PLXNA4: variants seen among roughly 807,000 people sequenced by gnomAD.
PLXNA4 encodes plexin-A4.
PLXNA4 carries 44 observed loss-of-function variants against 191.8 expected under a neutral mutation model. The ratio of observed to expected loss-of-function variants is 0.23; its 90% CI spans 0.18 to 0.29. The LOEUF is 0.29. Ranked by LOEUF, PLXNA4 falls within the 10% of genes least tolerant of loss-of-function variation. The pLI, the probability that PLXNA4 is intolerant of heterozygous loss-of-function variation, is 1.00. For missense variants in PLXNA4, 1,800 were observed against 2,488.8 expected (o/e 0.72, Z 5.89); for synonymous variants, 1,082 against 1,009.5 (o/e 1.07, Z -1.36).
chr7:132,238,287 G>A (rs759424587), intron 5 of PLXNA4, among the ~76,000 whole-genome samples: 1 of 152,116 alleles, frequency 6.6e-6, no homozygotes, highest in Non-Finnish European at 1.5e-5. Context: ...GTGACCAGAG[G>A]CTCCCAGGAA....
intron 3 of PLXNA4, among the ~76,000 whole-genome samples, chr7:132,381,032 G>A (rs1233694111): frequency 6.6e-6 from 1 of 152,224 alleles, no homozygotes; most frequent in African/African-American, 2.4e-5. Flanking sequence ...AATCTGTTCT[G>A]CTTAGCTACA....
Position 132,508,545 on chromosome 7 carries a change from C to A in PLXNA4, c.149G>T (p.Gly50Val). The A allele has an allele frequency of 6.2e-7, 1 of 1,614,170 alleles. No individual in the cohort carries two copies. The highest frequency in any genetic ancestry group is 1.1e-5 in the South Asian group (1 of 91,074). Residue 50 changes from glycine to valine, a missense_variant, in exon 2 of 32, where the codon GGT becomes GTT. Around this residue, in one of 6 missense-constraint regions of PLXNA4, gnomAD observed 1,397 missense variants for 1,880.4 expected, o/e 0.74. Transcript: ENST00000321063. The surrounding 1 kb of genome is among the most constrained non-coding windows in gnomAD (Gnocchi z 4.4). ...FVTFRGEPAE[G>V]FNHLVVDERT... ...CTCATCCACCACCAGGTGATTGAAACCCTCGGCGGGCTCTCCTCGGAATGT... is the reference window on the plus strand; with the variant it reads ...CTCATCCACCACCAGGTGATTGAAAACCTCGGCGGGCTCTCCTCGGAATGT...
At chr7:132,641,726 C>T (rs143712074) in intron 2 of PLXNA4, among the ~76,000 whole-genome samples, 1 of 152,062 alleles carries the variant, frequency 6.6e-6, no homozygotes, top group East Asian at 1.9e-4. Context: ...GTTTCGGTAC[C>T]AAATTAGAGT....
intron 1 of PLXNA4, among the ~76,000 whole-genome samples, chr7:132,512,858 C>T (rs1385597868): frequency 1.3e-5 from 2 of 152,200 alleles, no homozygotes; most frequent in African/African-American, 2.4e-5. Context: ...CCCACCATTT[C>T]GCTCTCAAGT....
chr7:132,374,358 G>A (rs1317033004), intron 3 of PLXNA4, among the ~76,000 whole-genome samples: 1 of 152,122 alleles, frequency 6.6e-6, no homozygotes, highest in Non-Finnish European at 1.5e-5. Context: ...CCAGGGTCTG[G>A]CTCTCAGTTC....
chr7:132,373,939 A>G (rs1048207495), intron 3 of PLXNA4, among the ~76,000 whole-genome samples: 3 of 152,174 alleles, frequency 2.0e-5, no homozygotes, highest in African/African-American at 4.8e-5. Flanking sequence ...ATAGGGATAT[A>G]TAAGAGAGGA....
intron 4 of PLXNA4, among the ~76,000 whole-genome samples, chr7:132,254,559 T>C (rs1186080255): frequency 6.6e-6 from 1 of 152,220 alleles, no homozygotes; most frequent in African/African-American, 2.4e-5. Flanking sequence ...CTGTTGTCAG[T>C]GCTCAGCAAC....
In PLXNA4 at chr7:132,310,988, C is replaced by T. The variant is rs574847071; in HGVS notation, c.1372-12766G>A. On this transcript the variant is annotated intron_variant, in intron 3 of 31. Transcript: ENST00000321063. ...TCACTCCTCATCCCCTTGGGAAGCA[C>T]GCTGGTCAGAGTGGTGCTGCCTGAC... 2.6e-5 allele frequency among the ~76,000 whole-genome samples: 4 copies of T among 152,296 alleles called. No homozygotes were observed. In the South Asian group the frequency reaches 6.2e-4, roughly 24 times the overall value.
At chr7:132,472,852 G>C (rs1796981394) in intron 3 of PLXNA4, among the ~76,000 whole-genome samples, 1 of 152,168 alleles carries the variant, frequency 6.6e-6, no homozygotes. Context: ...TGGGGGGTCT[G>C]GGGCATTACT....
intron 4 of PLXNA4, among the ~76,000 whole-genome samples, chr7:132,284,009 A>G (rs759393373): frequency 5.9e-5 from 9 of 152,152 alleles, no homozygotes; most frequent in Non-Finnish European, 1.3e-4. Context: ...TCATCTCTAC[A>G]CAAAATTTTT....
chr7:132,594,783 C>T (rs1045160803), intron 2 of PLXNA4, among the ~76,000 whole-genome samples: 6 of 152,162 alleles, frequency 3.9e-5, no homozygotes, highest in East Asian at 1.9e-4. Flanking sequence ...CTCCATCCCA[C>T]GTAATTCCAG....
chr7:132,536,773 G>A (rs961318813), intron 1 of PLXNA4, among the ~76,000 whole-genome samples: 8 of 152,206 alleles, frequency 5.3e-5, no homozygotes, highest in Non-Finnish European at 8.8e-5. Flanking sequence ...CCACCCCTAA[G>A]CGAGGAAATG....
intron 15 of PLXNA4, among the ~76,000 whole-genome samples, 191 bp from the exon 16 acceptor site, chr7:132,185,654 G>A (rs1472583566): frequency 6.6e-6 from 1 of 152,224 alleles, no homozygotes; most frequent in East Asian, 1.9e-4. Flanking sequence ...GTTCCTCTGA[G>A]CCTTCTTTTC....
chr7:132,161,328 T>A (rs894944861), intron 24 of PLXNA4, among the ~76,000 whole-genome samples: 1 of 152,014 alleles, frequency 6.6e-6, no homozygotes, highest in Non-Finnish European at 1.5e-5. Context: ...AGGGCAGGAG[T>A]TGGCGTTCTA....
intron 3 of PLXNA4, among the ~76,000 whole-genome samples, chr7:132,435,509 G>C (rs1335532190): frequency 1.3e-5 from 2 of 152,146 alleles, no homozygotes; most frequent in Non-Finnish European, 2.9e-5. Flanking sequence ...CTCCTACAAA[G>C]AGAACAGAGG....
At chr7:132,575,272 G>C (rs1177383998) in intron 1 of PLXNA4, among the ~76,000 whole-genome samples, 2 of 152,152 alleles carry the variant, frequency 1.3e-5, no homozygotes, top group South Asian at 2.1e-4. Flanking sequence ...ATTCCAGCCA[G>C]AGAGAACAAG....
In PLXNA4 at chr7:132,130,294, A is replaced by G. The variant is rs1415975534; in HGVS notation, c.*185T>C. ...TTGGTCCAATCGTGTTGGCAGAGCA[A>G]CTGGAAGAGAAGAGATCCAGGAAGG... On this transcript the variant is annotated 3_prime_UTR_variant, in exon 32 of 32. Transcript: ENST00000321063. The G allele has an allele frequency of 8.6e-6, 7 of 817,074 alleles. No individual in the cohort carries two copies. The highest frequency in any genetic ancestry group is 1.3e-5 in the Non-Finnish European group (7 of 536,644). 50.6% of individuals were successfully genotyped at this position (817,074 alleles called of 1,614,324 possible). A position where few individuals can be genotyped will look rare whatever the true frequency, so the allele number is the denominator to read the frequency against.
chr7:132,584,761 G>A (rs1802476341), intron 2 of PLXNA4, among the ~76,000 whole-genome samples: 1 of 152,128 alleles, frequency 6.6e-6, no homozygotes, highest in South Asian at 2.1e-4. Flanking sequence ...TTAATTTATT[G>A]TATATTCTTT....
chr7:132,264,174 C>G (rs1272564754), intron 4 of PLXNA4: 1 of 152,146 alleles, frequency 6.6e-6, no homozygotes, highest in Admixed American at 6.6e-5. Context: ...AGAGATGGAT[C>G]CCAAAACTGA....
Sources: allele counts gnomAD v4.1 joint callset (sites outside exome capture counted in the v4.1 genomes callset), GRCh38; gene constraint gnomAD v4.1.1; regional missense constraint gnomAD v4.1.1; non-coding constraint Gnocchi (gnomAD v3.1); transcripts MANE v1.5; gene names NCBI Gene and HGNC (gene_info 2026-07-23, HGNC 2026-07-21).